PARD3: variants seen among roughly 807,000 people sequenced by gnomAD.
The protein encoded by PARD3 is par-3 family cell polarity regulator.
A neutral mutation model predicts 155.4 loss-of-function variants in PARD3; 75 were observed. The observed-to-expected ratio is 0.48, with a 90% CI of 0.40 to 0.58. The LOEUF (loss-of-function observed/expected upper bound fraction) is 0.58, where lower values mean the gene tolerates loss of function less well. PARD3 is among the 20% of genes least tolerant of loss of function. PARD3 has a pLI of 0.00. For synonymous variants in PARD3, 576 were observed against 610.5 expected, an observed-to-expected ratio of 0.94 and a Z score of 0.83; for missense variants, 1,642 against 1,721.7, an observed-to-expected ratio of 0.95 and a Z score of 0.82.
At chr10:34,773,986 GCTTTA>G (rs1215271214) in intron 1 of PARD3, among the ~76,000 whole-genome samples, 34 of 152,240 alleles carry the variant, frequency 2.2e-4, no homozygotes, top group African/African-American at 7.9e-4. Context: ...AATAAAATGT[GCTTTA>G]CTTTAAGCCA....
At chr10:34,688,415 G>A (rs912315717) in intron 2 of PARD3, among the ~76,000 whole-genome samples, 18 of 152,122 alleles carry the variant, frequency 1.2e-4, no homozygotes, top group African/African-American at 3.9e-4. Context: ...GAAAGTTCAC[G>A]TACACAAACG....
intron 2 of PARD3, among the ~76,000 whole-genome samples, chr10:34,531,797 A>T (rs2082877104): frequency 6.6e-6 from 1 of 152,174 alleles, no homozygotes; most frequent in South Asian, 2.1e-4. Flanking sequence ...GTGGCACTTC[A>T]CATGGGTCCC....
chr10:34,113,538 C>A (rs1051598995), intron 24 of PARD3, among the ~76,000 whole-genome samples: 9 of 151,832 alleles, frequency 5.9e-5, no homozygotes, highest in Non-Finnish European at 1.0e-4. Context: ...CACACACACA[C>A]ATGCGCACAC....
At position 34,535,815 on chromosome 10, in the gene PARD3, TA is replaced by T. The variant is rs34906640; in HGVS notation, c.223-18657del. Among the ~76,000 whole-genome samples, 194 of 147,522 alleles carry T rather than the reference TA, an allele frequency of 1.3e-3. 6 individuals are homozygous for T. In the South Asian group the frequency reaches 0.025, roughly 19 times the overall value. ...TTAATGTTTAACCCACAATTATCTT[TA>T]AAAAAAAAAAAATAGTTAGGCTTTA... On this transcript the variant is annotated intron_variant, in intron 2 of 24. Transcript: ENST00000374788.
chr10:34,557,568 T>C (rs2085104438), intron 2 of PARD3, among the ~76,000 whole-genome samples: 1 of 152,060 alleles, frequency 6.6e-6, no homozygotes, highest in Admixed American at 6.5e-5. Context: ...AACCTCTGCC[T>C]CCCAGGTTGA....
At chr10:34,611,025 C>G (rs1029768078) in intron 2 of PARD3, among the ~76,000 whole-genome samples, 2 of 152,034 alleles carry the variant, frequency 1.3e-5, no homozygotes, top group Non-Finnish European at 2.9e-5. Flanking sequence ...TAAAAAATAC[C>G]TAGTTGCTGA....
chr10:34,477,791 A>G (rs2078810722), intron 3 of PARD3, among the ~76,000 whole-genome samples: 2 of 152,250 alleles, frequency 1.3e-5, no homozygotes, highest in African/African-American at 4.8e-5. Flanking sequence ...GAATCTAAAT[A>G]TAATATGCAG....
intron 4 of PARD3, among the ~76,000 whole-genome samples, chr10:34,453,103 C>T (rs2077145957): frequency 6.6e-6 from 1 of 152,194 alleles, no homozygotes; most frequent in Non-Finnish European, 1.5e-5. Flanking sequence ...AAACCTCCAG[C>T]AAACACTATA....
intron 4 of PARD3, among the ~76,000 whole-genome samples, chr10:34,458,984 A>G (rs1439639991): frequency 6.6e-6 from 1 of 152,138 alleles, no homozygotes; most frequent in Non-Finnish European, 1.5e-5. Flanking sequence ...AAATAAATAA[A>G]TATTTCGGGT....
intron 3 of PARD3, chr10:34,488,550 G>T (rs1293556729): frequency 6.6e-6 from 1 of 152,184 alleles, no homozygotes; most frequent in Non-Finnish European, 1.5e-5. Flanking sequence ...GGGGAAGTGG[G>T]CCTCTCACGG....
intron 12 of PARD3, among the ~76,000 whole-genome samples, chr10:34,371,339 G>A (rs1203700675): frequency 6.6e-6 from 1 of 151,256 alleles, no homozygotes; most frequent in Non-Finnish European, 1.5e-5. Context: ...TTATTAATGT[G>A]GAATATTCTC....
chr10:34,284,092 G>A (rs80009433), intron 21 of PARD3, 43 bp downstream of exon 21: 5 of 985,466 alleles, frequency 5.1e-6, no homozygotes, highest in Non-Finnish European at 7.7e-6. Context: ...AAAAAAAAAA[G>A]AACCTCTTTC....
chr10:34,454,702 C>T (rs2077241424), intron 4 of PARD3, among the ~76,000 whole-genome samples: 1 of 152,136 alleles, frequency 6.6e-6, no homozygotes, highest in South Asian at 2.1e-4. Context: ...CAAATAGCTG[C>T]TCAGCTTTGT....
chr10:34,641,510 C>G (rs1037247325), intron 2 of PARD3, among the ~76,000 whole-genome samples: 3 of 152,194 alleles, frequency 2.0e-5, no homozygotes, highest in African/African-American at 7.2e-5. Flanking sequence ...AGATTACATA[C>G]TAGTAAAAGG....
chr10:34,303,283 A>G (rs1957243986), intron 20 of PARD3, among the ~76,000 whole-genome samples: 1 of 151,378 alleles, frequency 6.6e-6, no homozygotes, highest in South Asian at 2.1e-4. Context: ...GGCTATTGCT[A>G]CGGCCTAGAA....
intron 2 of PARD3, among the ~76,000 whole-genome samples, chr10:34,542,234 T>TGTGTGTGCGTGCAC (rs143582528): frequency 2.7e-5 from 4 of 146,198 alleles, no homozygotes; most frequent in Admixed American, 2.0e-4. Flanking sequence ...TGTGTGTGTG[T>TGTGTGTGCGTGCAC]GTGTGCACAC....
chr10:34,496,379 G>A (rs1219328754), intron 3 of PARD3, among the ~76,000 whole-genome samples: 1 of 152,054 alleles, frequency 6.6e-6, no homozygotes, highest in South Asian at 2.1e-4. Context: ...ACTAAATAAA[G>A]GAATTACAGT....
intron 22 of PARD3, among the ~76,000 whole-genome samples, chr10:34,168,695 A>C (rs975508139): frequency 4.6e-5 from 7 of 152,158 alleles, no homozygotes; most frequent in Admixed American, 3.9e-4. Context: ...CTGTGTCCTG[A>C]TGTTTTGCCA....
chr10:34,588,632 T>C (rs528042457), intron 2 of PARD3, among the ~76,000 whole-genome samples: 301 of 152,296 alleles, frequency 2.0e-3, no homozygotes, highest in Non-Finnish European at 3.0e-3. Context: ...AAACATGGGC[T>C]GCCCGATTCT....
Sources: gnomAD v4.1 joint callset for allele counts (sites outside exome capture counted in the v4.1 genomes callset) on GRCh38, gnomAD v4.1.1 for gene constraint, MANE v1.5 for transcripts, NCBI Gene and HGNC (gene_info 2026-07-23, HGNC 2026-07-21) for gene names.